GSDME: variants seen among roughly 807,000 people sequenced by gnomAD.
GSDME encodes the protein gasdermin-E.
Under a neutral mutation model 47.5 loss-of-function variants are expected in GSDME, and 44 were observed. The observed-to-expected ratio is 0.93, with a 90% CI of 0.73 to 1.19. The LOEUF is 1.19. Among genes scored for constraint, GSDME ranks in the 50% most tolerant of loss-of-function variants. The pLI is 0.00. For missense variants in GSDME, 663 were observed against 604.2 expected (o/e 1.10, Z -1.02); for synonymous variants, 258 against 252.8 (o/e 1.02, Z -0.20).
chr7:24,794,334 T>C, the GSDME span, among the ~76,000 whole-genome samples: 1 of 150,494 alleles, frequency 6.6e-6, no homozygotes, highest in African/African-American at 2.4e-5. Flanking sequence ...TGCTGGTCTT[T>C]CCTTGCCTCT....
At chr7:24,764,494 T>C in the GSDME span, among the ~76,000 whole-genome samples, 1 of 152,210 alleles carries the variant, frequency 6.6e-6, no homozygotes, top group African/African-American at 2.4e-5. This position sits in a 1 kb window ranked among gnomAD's most constrained non-coding sequence, Gnocchi z 4.4. Context: ...CCAGTGGGAA[T>C]GGGCACACAG....
chr7:24,775,659 G>C, the GSDME span, among the ~76,000 whole-genome samples: 1,108 of 152,104 alleles, frequency 7.3e-3, 9 homozygotes, highest in African/African-American at 0.024. Flanking sequence ...CGGATTGCTC[G>C]AGGTCAGGAG....
the GSDME span, among the ~76,000 whole-genome samples, chr7:24,781,503 T>C: frequency 6.6e-6 from 1 of 152,164 alleles, no homozygotes; most frequent in Admixed American, 6.5e-5. Context: ...TTACATATAT[T>C]ATGTACAGCT....
At chr7:24,711,226 G>A (rs1789340653) in intron 5 of GSDME, among the ~76,000 whole-genome samples, 1 of 152,030 alleles carries the variant, frequency 6.6e-6, no homozygotes, top group Admixed American at 6.6e-5. Flanking sequence ...TTTGTTTTTG[G>A]TTGTTTTGTT....
chr7:24,699,285 C>A (rs766916527), intron 9 of GSDME, 26 bp from the exon 10 acceptor site: 2 of 1,538,814 alleles, frequency 1.3e-6, no homozygotes, highest in South Asian at 1.1e-5. Context: ...TAAACAAATT[C>A]ACTTTTAAAA....
the GSDME span, among the ~76,000 whole-genome samples, chr7:24,793,316 G>A: frequency 4.9e-4 from 75 of 152,264 alleles, no homozygotes; most frequent in African/African-American, 1.7e-3. Flanking sequence ...TTACTTTAAT[G>A]TCCAGTTCAC....
chr7:24,762,061 C>T (rs1258141195), upstream of GSDME, among the ~76,000 whole-genome samples: 1 of 152,012 alleles, frequency 6.6e-6, no homozygotes, highest in East Asian at 1.9e-4. Context: ...AGAGAGCAGC[C>T]TGGCCAACAT....
chr7:24,738,742 G>C (rs1790390016), intron 3 of GSDME, among the ~76,000 whole-genome samples: 1 of 152,150 alleles, frequency 6.6e-6, no homozygotes, highest in African/African-American at 2.4e-5. Flanking sequence ...ATACTGCAGA[G>C]CTATAGTCAT....
intron 1 of GSDME, 122 bp from the exon 2 acceptor site, chr7:24,749,915 G>A (rs1453315998): frequency 1.0e-5 from 7 of 667,760 alleles, no homozygotes; most frequent in Admixed American, 2.7e-5. Flanking sequence ...CTTCTTCCTA[G>A]AAGACCCTCT....
At position 24,742,895 on chromosome 7, in the gene GSDME, A is replaced by G. The variant is rs1790535827; in HGVS notation, c.404+1667T>C. On this transcript the variant is annotated intron_variant, in intron 3 of 9. Transcript: ENST00000645220. This position sits in a 1 kb window ranked among gnomAD's most constrained non-coding sequence, Gnocchi z 4.4. Reference sequence around the variant, plus strand: ...CAGTTGAGAAGGAAAATGGGACTCTAGCAAAGATAAGCTGTAGAGAAAGGA... The same window carrying G: ...CAGTTGAGAAGGAAAATGGGACTCTGGCAAAGATAAGCTGTAGAGAAAGGA... 6.6e-6 allele frequency among the ~76,000 whole-genome samples: 1 copy of G among 152,240 alleles called. No individual in the cohort carries two copies. The highest frequency in any genetic ancestry group is 2.4e-5 in the African/African-American group (1 of 41,472).
the GSDME span, among the ~76,000 whole-genome samples, chr7:24,794,475 C>T: frequency 2.0e-5 from 3 of 152,156 alleles, no homozygotes; most frequent in African/African-American, 7.2e-5. Flanking sequence ...TGCCTGTCTT[C>T]TTAACCACCG....
rs1789077977 is a variant in GSDME at position 24,705,917 on chromosome 7, AC to A, written c.1183+266del. 9.4e-6 allele frequency: 5 copies of A among 534,646 alleles called. No individual in the cohort carries two copies. Among genetic ancestry groups the A allele is most frequent in the Admixed American group, 9.2e-5 (3 of 32,498 alleles). 33.1% of individuals were successfully genotyped at this position (534,646 alleles called of 1,614,324 possible). On this transcript the variant is annotated intron_variant, in intron 8 of 9. Coordinates refer to ENST00000645220, the MANE Select transcript of GSDME (RefSeq NM_001127453.2). The surrounding 1 kb of genome is among the most constrained non-coding windows in gnomAD (Gnocchi z 4.1). ...TGCTTGCTTTTGTAGGCAAAGGGGC[AC>A]CCACTGTGGCCTTCCCTGGGGGAGG... is the stretch of plus-strand genomic sequence containing the variant.
rs148461933 is a variant in GSDME, at chr7:24,721,194, G to A, written c.405-1976C>T. Among the ~76,000 whole-genome samples the A allele has an allele frequency of 1.9e-4, 29 of 152,314 alleles. No individual in the cohort carries two copies. In the East Asian group the frequency reaches 5.2e-3, roughly 27 times the overall value. On this transcript the variant is annotated intron_variant, in intron 3 of 9. Transcript: ENST00000645220. The surrounding 1 kb of genome is among the most constrained non-coding windows in gnomAD (Gnocchi z 4.1). ...GCACAACAGGGTGAATGTATTTAAT[G>A]CCACTGAATTTTACACTTAAAAATG...
At chr7:24,734,294 T>A (rs887141729) in intron 3 of GSDME, among the ~76,000 whole-genome samples, 1 of 152,218 alleles carries the variant, frequency 6.6e-6, no homozygotes, top group African/African-American at 2.4e-5. Context: ...TACCTTTGAA[T>A]ACCTGGAAAG....
intron 4 of GSDME, among the ~76,000 whole-genome samples, chr7:24,717,711 T>C (rs1035972897): frequency 2.0e-5 from 3 of 152,144 alleles, no homozygotes; most frequent in Admixed American, 6.5e-5. Flanking sequence ...TGGAAACAAC[T>C]GAAATCCTAA....
rs142488432 is a variant in GSDME, at chr7:24,725,293, C to T, written c.405-6075G>A. 1.4e-3 allele frequency among the ~76,000 whole-genome samples: 217 copies of T among 152,268 alleles called. No individual in the cohort carries two copies. The highest frequency in any genetic ancestry group is 5.0e-3 in the African/African-American group (208 of 41,560). On this transcript the variant is annotated intron_variant, in intron 3 of 9. Transcript: ENST00000645220. The surrounding 1 kb of genome is among the most constrained non-coding windows in gnomAD (Gnocchi z 5.1). ...GACCCACACTCTACCCAGCAGATGG[C>T]AGGGGCTCTGTAAATGTTTTTTTCC...
chr7:24,784,902 AC>A, the GSDME span, among the ~76,000 whole-genome samples: 2 of 151,934 alleles, frequency 1.3e-5, no homozygotes, highest in African/African-American at 2.4e-5. Context: ...GATGGTGCCC[AC>A]CCACACTGAG....
At chr7:24,773,242 A>G in the GSDME span, among the ~76,000 whole-genome samples, 1 of 152,324 alleles carries the variant, frequency 6.6e-6, no homozygotes, top group East Asian at 1.9e-4. This position sits in a 1 kb window ranked among gnomAD's most constrained non-coding sequence, Gnocchi z 5.4. Context: ...AATCCAATTC[A>G]GTGTTTGCTC....
intron 2 of GSDME, among the ~76,000 whole-genome samples, chr7:24,748,911 T>C (rs1050273441): frequency 3.3e-5 from 5 of 152,200 alleles, no homozygotes; most frequent in Non-Finnish European, 7.3e-5. Flanking sequence ...ATTATGTGAA[T>C]GACAAAAATT....
Sources: allele counts gnomAD v4.1 joint callset (sites outside exome capture counted in the v4.1 genomes callset), GRCh38; gene constraint gnomAD v4.1.1; non-coding constraint Gnocchi (gnomAD v3.1); transcripts MANE v1.5; gene names NCBI Gene and HGNC (gene_info 2026-07-23, HGNC 2026-07-21).